ADGRB3: variants seen among roughly 807,000 people sequenced by gnomAD.
The protein encoded by ADGRB3 is adhesion G protein-coupled receptor B3, also known as brain-specific angiogenesis inhibitor 3.
Under a neutral mutation model 193.4 loss-of-function variants are expected in ADGRB3, and 37 were observed. The ratio of observed to expected loss-of-function variants is 0.19; its 90% CI spans 0.15 to 0.25. ADGRB3 has a LOEUF of 0.25. Ranked by LOEUF, ADGRB3 falls within the 10% of genes least tolerant of loss-of-function variation. ADGRB3 has a pLI of 1.00. For missense variants in ADGRB3, 1,637 were observed against 1,852.9 expected (o/e 0.88, Z 2.14); for synonymous variants, 690 against 644.2 (o/e 1.07, Z -1.08).
chr6:69,221,341 C>T (rs977716916), intron 17 of ADGRB3, among the ~76,000 whole-genome samples: 1 of 152,124 alleles, frequency 6.6e-6, no homozygotes. Context: ...ACTCCTTCCT[C>T]TTTGTTTTCC....
intron 3 of ADGRB3, among the ~76,000 whole-genome samples, chr6:68,876,523 G>A (rs571314735): frequency 2.6e-5 from 4 of 152,298 alleles, no homozygotes; most frequent in Middle Eastern, 3.4e-3. Context: ...AAAAAGGATT[G>A]CTAGATTGTG....
At chr6:69,339,558 G>A in intron 26 of ADGRB3, 54 bp downstream of exon 26, 1 of 1,540,418 alleles carries the variant, frequency 6.5e-7, no homozygotes. Flanking sequence ...GTATTTCCTT[G>A]CTAAAAAGAA....
chr6:69,235,905 T>A (rs1460694520), intron 19 of ADGRB3, among the ~76,000 whole-genome samples: 3 of 152,030 alleles, frequency 2.0e-5, no homozygotes, highest in African/African-American at 7.2e-5. Context: ...TCTAGTGGAT[T>A]TTTAAATTTT....
Position 69,108,477 on chromosome 6 carries a change from T to G in ADGRB3, c.2480+32439T>G, listed in dbSNP as rs146287559. ...GCAAGATTACAAAGCGAACATTATA[T>G]GCAAAATACTTAACTTCTTTCAGCT... On this transcript the variant is annotated intron_variant, in intron 17 of 31. Transcript: ENST00000370598. Among the ~76,000 whole-genome samples the G allele has an allele frequency of 3.1e-3, 465 of 152,064 alleles. 1 individual carries two copies. Among genetic ancestry groups the G allele is most frequent in the Middle Eastern group, 6.8e-3 (2 of 294 alleles).
intron 17 of ADGRB3, among the ~76,000 whole-genome samples, chr6:69,165,164 C>T (rs1279095805): frequency 2.0e-5 from 3 of 152,006 alleles, no homozygotes; most frequent in African/African-American, 7.2e-5. Flanking sequence ...AGTGGTTTTT[C>T]ATTTTGACAA....
chr6:69,016,074 A>G (rs1161670718), intron 12 of ADGRB3, among the ~76,000 whole-genome samples: 3 of 151,984 alleles, frequency 2.0e-5, no homozygotes, highest in Non-Finnish European at 4.4e-5. Flanking sequence ...GAATATAGCC[A>G]CACCCATTCA....
intron 3 of ADGRB3, among the ~76,000 whole-genome samples, chr6:68,885,599 A>G (rs9446063): frequency 6.6e-6 from 1 of 152,184 alleles, no homozygotes; most frequent in Admixed American, 6.5e-5. Context: ...TCTCACTTGT[A>G]TGTAGATTCT....
chr6:68,819,865 A>AT (rs1398421801), intron 3 of ADGRB3, among the ~76,000 whole-genome samples: 3 of 151,984 alleles, frequency 2.0e-5, no homozygotes, highest in Non-Finnish European at 2.9e-5. Context: ...TTCATCCATG[A>AT]TTTTTTTAAA....
chr6:68,669,649 T>C (rs1284808522), intron 3 of ADGRB3, among the ~76,000 whole-genome samples: 1 of 140,626 alleles, frequency 7.1e-6, no homozygotes, highest in Admixed American at 7.1e-5. Context: ...TGTGTGTGTG[T>C]GTATACCAAA....
At chr6:69,197,946 A>G (rs1487680851) in intron 17 of ADGRB3, among the ~76,000 whole-genome samples, 2 of 151,896 alleles carry the variant, frequency 1.3e-5, no homozygotes. Flanking sequence ...ACCTCCTTTC[A>G]TTTCCTAATA....
intron 17 of ADGRB3, among the ~76,000 whole-genome samples, chr6:69,113,242 T>A (rs1374959932): frequency 6.6e-6 from 1 of 151,996 alleles, no homozygotes; most frequent in Non-Finnish European, 1.5e-5. Flanking sequence ...GTATCACACA[T>A]ATTTATATGT....
At chr6:68,986,468 A>G (rs1769079579) in intron 10 of ADGRB3, among the ~76,000 whole-genome samples, 1 of 152,180 alleles carries the variant, frequency 6.6e-6, no homozygotes, top group African/African-American at 2.4e-5. Context: ...TCTGAGATGA[A>G]CACAAACTCT....
intron 30 of ADGRB3, among the ~76,000 whole-genome samples, chr6:69,378,925 T>A (rs150579678): frequency 1.3e-5 from 2 of 152,134 alleles, no homozygotes; most frequent in Non-Finnish European, 2.9e-5. Flanking sequence ...CTAATATCAA[T>A]AATTAAAGGA....
intron 12 of ADGRB3, among the ~76,000 whole-genome samples, chr6:69,016,864 C>T (rs1286473823): frequency 6.6e-6 from 1 of 151,520 alleles, no homozygotes; most frequent in Non-Finnish European, 1.5e-5. Flanking sequence ...ATTTTCAACA[C>T]AAAAAAATAA....
At position 69,233,314 on chromosome 6, in the gene ADGRB3, C is replaced by T. The variant is rs1766191911; in HGVS notation, c.2505C>T (p.Ser835=). The change falls in exon 18 of 32, where the codon TCC becomes TCT. Residue 835 remains serine (S), a synonymous_variant. Coordinates refer to ENST00000370598, the MANE Select transcript of ADGRB3 (RefSeq NM_001704.3). ...GGAACGAGTCTTTGGGAACGTGGTC[C>T]ACCCAGGGATGTAAAACTGTGCTTA... ...SKTNESLGTW[S]TQGCKTVLTD... 3 of 1,613,688 alleles carry T rather than the reference C, an allele frequency of 1.9e-6. No individual in the cohort carries two copies. Among genetic ancestry groups the T allele is most frequent in the South Asian group, 2.2e-5 (2 of 91,052 alleles).
chr6:69,279,069 A>ATGTGTGTG (rs1229976217), intron 20 of ADGRB3, among the ~76,000 whole-genome samples: 1 of 57,034 alleles, frequency 1.8e-5, no homozygotes, highest in African/African-American at 8.6e-5. Flanking sequence ...TTAAATACAT[A>ATGTGTGTG]TGTATATATA....
intron 3 of ADGRB3, among the ~76,000 whole-genome samples, chr6:68,744,021 A>G (rs1017830286): frequency 6.6e-6 from 1 of 152,078 alleles, no homozygotes; most frequent in African/African-American, 2.4e-5. Context: ...GTAGAGTATC[A>G]TACACTCATG....
At chr6:69,079,374 AC>A (rs1390914290) in intron 17 of ADGRB3, among the ~76,000 whole-genome samples, 4 of 152,052 alleles carry the variant, frequency 2.6e-5, no homozygotes, top group Non-Finnish European at 2.9e-5. Flanking sequence ...AAAATTCAAC[AC>A]CCCTTCATGC....
chr6:68,861,486 C>G (rs552260727), intron 3 of ADGRB3, among the ~76,000 whole-genome samples: 1 of 151,930 alleles, frequency 6.6e-6, no homozygotes, highest in Non-Finnish European at 1.5e-5. Context: ...GGCGTGAACC[C>G]GGGAGGTGGA....
Sources: gnomAD v4.1 joint callset for allele counts (sites outside exome capture counted in the v4.1 genomes callset) on GRCh38, gnomAD v4.1.1 for gene constraint, MANE v1.5 for transcripts, NCBI Gene and HGNC (gene_info 2026-07-23, HGNC 2026-07-21) for gene names.